EIF2B3: variants seen among roughly 807,000 people sequenced by gnomAD.
The protein encoded by EIF2B3 is eukaryotic translation initiation factor 2B subunit gamma, also known as translation initiation factor eIF2B subunit gamma.
Under a neutral mutation model 54.1 loss-of-function variants are expected in EIF2B3, and 20 were observed. The observed-to-expected ratio is 0.37, with a 90% CI of 0.26 to 0.54. The LOEUF (loss-of-function observed/expected upper bound fraction) is 0.54. Among genes scored for constraint, EIF2B3 ranks in the 20% least tolerant of loss-of-function variants. EIF2B3 has a pLI of 0.86. For synonymous variants in EIF2B3, 153 were observed against 188.1 expected, an observed-to-expected ratio of 0.81 and a Z score of 1.52; for missense variants, 448 against 547.8, an observed-to-expected ratio of 0.82 and a Z score of 1.82.
At chr1:44,864,184 C>A (rs915760984) in intron 10 of EIF2B3, among the ~76,000 whole-genome samples, 2 of 152,106 alleles carry the variant, frequency 1.3e-5, no homozygotes, top group Admixed American at 1.3e-4. Context: ...GCAAATGGTT[C>A]AAAGGTAGGG....
chr1:44,913,107 G>GT (rs1233692123), intron 5 of EIF2B3, among the ~76,000 whole-genome samples: 1 of 68,346 alleles, frequency 1.5e-5, no homozygotes, highest in African/African-American at 7.4e-5. Context: ...TGCGGTTTTT[G>GT]TTAAAAAAAA....
At position 44,965,229 on chromosome 1, in the gene EIF2B3, C is replaced by T. The variant is rs376212505; in HGVS notation, c.294+13086G>A. On this transcript the variant is annotated intron_variant, in intron 3 of 11. Transcript: ENST00000360403. ...TACATGAGTCCTGTTAGGAGATTTGCTCATTTCTAAGTATGTTTTACACAA... is the reference window on the plus strand; with the variant it reads ...TACATGAGTCCTGTTAGGAGATTTGTTCATTTCTAAGTATGTTTTACACAA... Among the ~76,000 whole-genome samples, 44 of 152,282 alleles carry T rather than the reference C, an allele frequency of 2.9e-4. 1 individual carries two copies. The highest frequency in any genetic ancestry group is 1.1e-3 in the African/African-American group (44 of 41,562).
At chr1:44,926,814 G>T in intron 4 of EIF2B3, 75 bp from the exon 5 acceptor site, 1 of 1,235,214 alleles carries the variant, frequency 8.1e-7, no homozygotes, top group Non-Finnish European at 1.2e-6. Context: ...AGGGAACACA[G>T]TATCTGCTCA....
intron 6 of EIF2B3, among the ~76,000 whole-genome samples, chr1:44,894,856 A>G (rs1481430803): frequency 6.6e-6 from 1 of 152,092 alleles, no homozygotes. Context: ...CTGTAAGACT[A>G]TTCTGTTTAA....
At chr1:44,952,286 G>T (rs1644173514) in intron 3 of EIF2B3, among the ~76,000 whole-genome samples, 1 of 150,580 alleles carries the variant, frequency 6.6e-6, no homozygotes, top group Non-Finnish European at 1.5e-5. Flanking sequence ...TTTTAGTAGA[G>T]ATGGGGTTTC....
At chr1:44,868,457 C>T (rs1232545541) in intron 10 of EIF2B3, among the ~76,000 whole-genome samples, 1 of 149,230 alleles carries the variant, frequency 6.7e-6, no homozygotes, top group East Asian at 1.9e-4. Context: ...ATGGTTTCCT[C>T]GCCAAGTCTC....
At chr1:44,973,821 G>A (rs1361600919) in intron 3 of EIF2B3, among the ~76,000 whole-genome samples, 1 of 152,172 alleles carries the variant, frequency 6.6e-6, no homozygotes, top group Non-Finnish European at 1.5e-5. Flanking sequence ...GGAGGGGGAT[G>A]TTAGTATTTA....
intron 10 of EIF2B3, 168 bp downstream of exon 10, chr1:44,874,510 A>T: frequency 1.4e-6 from 1 of 691,592 alleles, no homozygotes; most frequent in Non-Finnish European, 2.4e-6. Context: ...TAAATTTCCT[A>T]GTAAAGTTTT....
intron 3 of EIF2B3, among the ~76,000 whole-genome samples, chr1:44,954,402 T>C (rs1310371956): frequency 1.3e-5 from 2 of 152,250 alleles, no homozygotes; most frequent in African/African-American, 2.4e-5. Context: ...TCCGCTCTTA[T>C]TTCCTTCAGC....
chr1:44,910,851 T>C (rs560806392), intron 5 of EIF2B3, among the ~76,000 whole-genome samples: 1 of 152,044 alleles, frequency 6.6e-6, no homozygotes, highest in Non-Finnish European at 1.5e-5. Context: ...TCTTTCTTTT[T>C]TAAATTTTTT....
At chr1:44,908,408 A>T (rs751968609) in intron 5 of EIF2B3, among the ~76,000 whole-genome samples, 1 of 152,236 alleles carries the variant, frequency 6.6e-6, no homozygotes, top group African/African-American at 2.4e-5. Flanking sequence ...CAGAAAAATG[A>T]TATTTGAGCT....
At chr1:44,893,823 T>A (rs1241169605) in intron 6 of EIF2B3, among the ~76,000 whole-genome samples, 1 of 149,536 alleles carries the variant, frequency 6.7e-6, no homozygotes, top group Non-Finnish European at 1.5e-5. Flanking sequence ...AATCTTTAAG[T>A]CTCTTAAAGA....
At chr1:44,979,823 G>A (rs1035630614) in intron 2 of EIF2B3, among the ~76,000 whole-genome samples, 4 of 151,996 alleles carry the variant, frequency 2.6e-5, no homozygotes, top group Non-Finnish European at 4.4e-5. Context: ...AAAATTAGCC[G>A]GGAGTGGTGG....
chr1:44,958,506 G>GT, intron 3 of EIF2B3: 3 of 1,054,952 alleles, frequency 2.8e-6, no homozygotes, highest in Non-Finnish European at 4.1e-6. Flanking sequence ...TGATTACTGC[G>GT]TTTTTCTTTT....
At position 44,879,883 on chromosome 1, in the gene EIF2B3, T is replaced by C; in HGVS notation, c.910A>G (p.Ile304Val). 6.2e-7 allele frequency: 1 copy of C among 1,614,188 alleles called. No homozygotes were observed. The highest frequency in any genetic ancestry group is 1.3e-5 in the African/African-American group (1 of 75,062). The stretch of plus-strand genomic sequence containing the variant: ...CGAGAGCAGAGCCCCTCTTTCATGA[T>C]GTGGACATAGCAGCGCACCTGTGAT... ...SRSQVRCYVH[I>V]MKEGLCSRVS... Residue 304 changes from isoleucine to valine, a missense_variant, in exon 8 of 12, where the codon ATC (isoleucine) becomes GTC (valine). Ile to Val is a conservative substitution (Grantham distance 29, BLOSUM62 3). Transcript: ENST00000360403.
chr1:44,955,995 C>T (rs1283585317), intron 3 of EIF2B3, among the ~76,000 whole-genome samples: 1 of 152,048 alleles, frequency 6.6e-6, no homozygotes, highest in Non-Finnish European at 1.5e-5. Context: ...ACCATTTGAC[C>T]CAGCAATCCC....
chr1:44,915,882 A>G (rs1446197237), intron 5 of EIF2B3, among the ~76,000 whole-genome samples: 1 of 152,206 alleles, frequency 6.6e-6, no homozygotes, highest in Non-Finnish European at 1.5e-5. Flanking sequence ...TAAAGATACT[A>G]TTTCTTAGAA....
intron 5 of EIF2B3, among the ~76,000 whole-genome samples, chr1:44,911,000 A>C (rs957303801): frequency 2.0e-5 from 3 of 152,154 alleles, no homozygotes; most frequent in African/African-American, 7.2e-5. Context: ...ACTTTACAAG[A>C]AGTTTCTGAT....
intron 11 of EIF2B3, among the ~76,000 whole-genome samples, chr1:44,856,528 T>TAAAAAAAAAAAAAAA (rs150728949): frequency 9.8e-6 from 1 of 102,382 alleles, no homozygotes; most frequent in Non-Finnish European, 2.2e-5. Flanking sequence ...AAATTAAAAT[T>TAAAAAAAAAAAAAAA]AAAAAAAAAA....
Sources: allele counts gnomAD v4.1 joint callset (sites outside exome capture counted in the v4.1 genomes callset), GRCh38; gene constraint gnomAD v4.1.1; transcripts MANE v1.5; gene names NCBI Gene and HGNC (gene_info 2026-07-23, HGNC 2026-07-21).